ZKSCAN7: variants seen among roughly 807,000 people sequenced by gnomAD.
ZKSCAN7 encodes the protein zinc finger protein with KRAB and SCAN domains 7.
Under a neutral mutation model 65.3 loss-of-function variants are expected in ZKSCAN7, and 38 were observed. That is an observed-to-expected ratio of 0.58 (90% CI 0.45 to 0.76). The LOEUF is 0.76. ZKSCAN7 is among the 30% of genes least tolerant of loss of function. The probability of loss-of-function intolerance (pLI) is 0.00; values close to 1 mark genes in which losing one functional copy is unlikely to be tolerated. For synonymous variants in ZKSCAN7, 321 were observed against 321.0 expected, an observed-to-expected ratio of 1.00 and a Z score of 0.00; for missense variants, 815 against 913.3, an observed-to-expected ratio of 0.89 and a Z score of 1.39.
chr3:44,555,791 C>T (rs1193454764), intron 1 of ZKSCAN7, among the ~76,000 whole-genome samples: 1 of 152,182 alleles, frequency 6.6e-6, no homozygotes, highest in Non-Finnish European at 1.5e-5. Flanking sequence ...GATCTGGGCT[C>T]TTGGTGAACT....
Position 44,570,765 on chromosome 3 carries a change from AGT to A in ZKSCAN7, c.1658_1659del (p.Cys553Ter). The stretch of plus-strand genomic sequence containing the variant: ...ATCCACACTGGGGAGAAGCCTTATG[AGT>A]GTAGTGAATGTGGCAAAGCCTTCAG... On this transcript the variant is annotated frameshift_variant, in exon 6 of 6. Coordinates refer to ENST00000426540, the MANE Select transcript of ZKSCAN7 (RefSeq NM_001288590.2). LOFTEE classifies it high-confidence loss of function. 6.2e-7 allele frequency: 1 copy of A among 1,614,150 alleles called. No homozygotes were observed. Among genetic ancestry groups the A allele is most frequent in the Non-Finnish European group, 8.5e-7 (1 of 1,180,018 alleles).
intron 5 of ZKSCAN7, chr3:44,582,884 C>A: frequency 2.5e-6 from 1 of 402,014 alleles, no homozygotes. Context: ...AAGATCACAG[C>A]TCCCTTAATG....
intron 2 of ZKSCAN7, among the ~76,000 whole-genome samples, chr3:44,560,029 A>G (rs1475958753): frequency 6.6e-6 from 1 of 152,176 alleles, no homozygotes; most frequent in Non-Finnish European, 1.5e-5. Flanking sequence ...TAAGAAGTTA[A>G]TGCTTCCTCC....
chr3:44,566,300 G>C (rs1699629061), intron 3 of ZKSCAN7, among the ~76,000 whole-genome samples: 1 of 152,194 alleles, frequency 6.6e-6, no homozygotes, highest in South Asian at 2.1e-4. Flanking sequence ...CCTTGAGATT[G>C]AGGCAGGAAG....
chr3:44,579,842 T>C (rs1700021888), intron 5 of ZKSCAN7: 1 of 1,611,604 alleles, frequency 6.2e-7, no homozygotes. Context: ...GCTGTCCTCA[T>C]ACTGCTTAGT....
At chr3:44,577,753 C>T (rs2125733083) in intron 5 of ZKSCAN7, among the ~76,000 whole-genome samples, 1 of 152,322 alleles carries the variant, frequency 6.6e-6, no homozygotes, top group South Asian at 2.1e-4. Flanking sequence ...GAAGTCAACA[C>T]AGCAGAGAGT....
chr3:44,575,068 G>C (rs1699895959), downstream of ZKSCAN7, among the ~76,000 whole-genome samples: 1 of 152,172 alleles, frequency 6.6e-6, no homozygotes, highest in South Asian at 2.1e-4. Flanking sequence ...GAAGGCAGGA[G>C]GATCACTTGA....
rs1046814474 is a variant in ZKSCAN7, at chr3:44,580,258, T to A, written c.812-2714T>A. 4 of 1,613,648 alleles carry A rather than the reference T, an allele frequency of 2.5e-6. No individual in the cohort carries two copies. The Admixed American group carries it at 5.0e-5, about 20-fold the overall frequency. The stretch of plus-strand genomic sequence containing the variant: ...AAGTAGCTGCTCTCCCCCCGGACTT[T>A]GCGGCCACAGTCCATGCGGTCGCTA... On this transcript the variant is annotated intron_variant, in intron 5 of 5. Coordinates refer to the ZKSCAN7 transcript ENST00000341840.
chr3:44,580,574 G>C, intron 5 of ZKSCAN7: 1 of 1,613,900 alleles, frequency 6.2e-7, no homozygotes, highest in East Asian at 2.2e-5. Flanking sequence ...TCTGCTTGTT[G>C]GTCCGGGGAT....
At chr3:44,565,095 G>A (rs772605708) in intron 2 of ZKSCAN7, among the ~76,000 whole-genome samples, 7 of 152,120 alleles carry the variant, frequency 4.6e-5, no homozygotes, top group Non-Finnish European at 7.4e-5. Flanking sequence ...GAGCCACTGC[G>A]CCTGGCCTAT....
chr3:44,580,599 T>G, intron 5 of ZKSCAN7: 3 of 1,613,904 alleles, frequency 1.9e-6, no homozygotes, highest in Non-Finnish European at 2.5e-6. Flanking sequence ...CATGAGCATC[T>G]CCAGCCACCC....
At position 44,565,603 on chromosome 3, in the gene ZKSCAN7, C is replaced by T. The variant is rs1236905493; in HGVS notation, c.540C>T (p.His180=). 19 of 1,612,228 alleles carry T rather than the reference C, an allele frequency of 1.2e-5. No homozygotes were observed. Among genetic ancestry groups the T allele is most frequent in the Non-Finnish European group, 1.6e-5 (19 of 1,179,392 alleles). ...GTGGGGGCTCAGCCCCTGGAGCCCACCTGGAGCCTCCTTATGACCCAGGGA... is the reference window on the plus strand; with the variant it reads ...GTGGGGGCTCAGCCCCTGGAGCCCATCTGGAGCCTCCTTATGACCCAGGGA... ...PLSGGSAPGA[H]LEPPYDPGTH... Residue 180 remains histidine (H), a synonymous_variant, in exon 3 of 6, where the codon CAC becomes CAT. Transcript: ENST00000426540.
chr3:44,570,826 C>T lies in ZKSCAN7; in HGVS notation c.1716C>T (p.Leu572=). ...RSKCLIRHQS[L]HTGEKPYKCS... ...AATGTCTTATTCGACATCAGAGCCT[C>T]CATACTGGGGAAAAGCCATACAAAT... The change falls in exon 6 of 6, where the codon CTC becomes CTT. Residue 572 remains leucine, a synonymous_variant. Coordinates refer to ENST00000426540, the MANE Select transcript of ZKSCAN7 (RefSeq NM_001288590.2). The T allele has an allele frequency of 1.9e-6, 3 of 1,614,138 alleles. No individual in the cohort carries two copies. The highest frequency in any genetic ancestry group is 1.1e-5 in the South Asian group (1 of 91,086).
At chr3:44,568,613 C>A in intron 5 of ZKSCAN7, 180 bp downstream of exon 5, 1 of 888,640 alleles carries the variant, frequency 1.1e-6, no homozygotes. Flanking sequence ...GCATACTCTT[C>A]ACCTCATTAT....
At chr3:44,579,481 C>T (rs1312545494) in intron 5 of ZKSCAN7, among the ~76,000 whole-genome samples, 2 of 152,242 alleles carry the variant, frequency 1.3e-5, no homozygotes, top group African/African-American at 4.8e-5. Flanking sequence ...GCTCCCCCGG[C>T]TCTGCCTCTT....
intron 5 of ZKSCAN7, among the ~76,000 whole-genome samples, chr3:44,579,458 T>G (rs1700010996): frequency 6.6e-6 from 1 of 152,200 alleles, no homozygotes; most frequent in African/African-American, 2.4e-5. Context: ...GCTCCTCTTC[T>G]GCTCAGGGTC....
chr3:44,558,984 C>T (rs1699383207), intron 2 of ZKSCAN7, among the ~76,000 whole-genome samples: 1 of 151,786 alleles, frequency 6.6e-6, no homozygotes, highest in South Asian at 2.1e-4. Context: ...TTATGTTGCC[C>T]AGGCTTGTTC....
At chr3:44,572,400 AAGAG>A (rs1185297030), downstream of ZKSCAN7, among the ~76,000 whole-genome samples, 18 of 138,948 alleles carry the variant, frequency 1.3e-4, no homozygotes, top group South Asian at 9.7e-4. Flanking sequence ...ATGTATGCAA[AAGAG>A]AGAGAGTGTG....
intron 5 of ZKSCAN7, among the ~76,000 whole-genome samples, chr3:44,579,275 C>T (rs955052732): frequency 3.9e-5 from 6 of 152,196 alleles, no homozygotes; most frequent in Admixed American, 1.3e-4. Context: ...CTCCCGCCTC[C>T]GTGCACGCTC....
Sources: gnomAD v4.1 joint callset for allele counts (sites outside exome capture counted in the v4.1 genomes callset) on GRCh38, gnomAD v4.1.1 for gene constraint, MANE v1.5 for transcripts, NCBI Gene and HGNC (gene_info 2026-07-23, HGNC 2026-07-21) for gene names.